Variants in DENND2B observed in about 807,000 individuals in gnomAD.
DENND2B encodes the protein DENN domain containing 2B.
A neutral mutation model predicts 116.0 loss-of-function variants in DENND2B; 32 were observed. The ratio of observed to expected loss-of-function variants is 0.28; its 90% confidence interval spans 0.21 to 0.37. DENND2B has a LOEUF of 0.37. DENND2B is among the 10% of genes least tolerant of loss of function. The pLI, the probability that DENND2B is intolerant of heterozygous loss-of-function variation, is 1.00. For synonymous variants in DENND2B, 588 were observed against 583.9 expected, an observed-to-expected ratio of 1.01 and a Z score of -0.10; for missense variants, 1,276 against 1,477.7, an observed-to-expected ratio of 0.86 and a Z score of 2.24.
chr11:8,840,651 C>T (rs756233284), intron 3 of DENND2B, among the ~76,000 whole-genome samples: 71 of 152,150 alleles, frequency 4.7e-4, no homozygotes, highest in Non-Finnish European at 7.6e-4. Flanking sequence ...AAAGTTTTTA[C>T]CATCCACAGC....
intron 4 of DENND2B, among the ~76,000 whole-genome samples, chr11:8,827,104 A>G (rs2062008234): frequency 6.6e-6 from 1 of 152,242 alleles, no homozygotes; most frequent in Non-Finnish European, 1.5e-5. Flanking sequence ...AACATACTTG[A>G]GCACCACTTA....
At position 8,730,905 on chromosome 11, in the gene DENND2B, C is replaced by A; in HGVS notation, c.385G>T (p.Ala129Ser). The part of the protein sequence containing the change: ...QGAAQDVAGV[A>S]ACLPLAQSTP... ...CTCTGGGCAAGGGGGAGGCAGGCAG[C>A]GACCCCTGCTACATCCTGGGCTGCG... The change falls in exon 3 of 20, where the codon GCT becomes TCT. Residue 129 changes from alanine (A) to serine (S), a missense_variant. Transcript: ENST00000313726. The surrounding 1 kb of genome is among the most constrained non-coding windows in gnomAD (Gnocchi z 4.1). 2.5e-6 allele frequency: 4 copies of A among 1,614,074 alleles called. No homozygotes were observed. The highest frequency in any genetic ancestry group is 3.4e-6 in the Non-Finnish European group (4 of 1,180,052).
Position 8,707,933 on chromosome 11 carries a change from G to T in DENND2B, c.2353-79C>A. ...TACCATTTCTGGCTCCTTTTCCTTG[G>T]GAACGGAGGAGTAAGGACTGCCCTT... On this transcript the variant is annotated intron_variant, in intron 11 of 19. Coordinates refer to ENST00000313726, the MANE Select transcript of DENND2B (RefSeq NM_213618.2). The surrounding 1 kb of genome is among the most constrained non-coding windows in gnomAD (Gnocchi z 4.8). The T allele has an allele frequency of 3.2e-6, 5 of 1,549,728 alleles. No individual in the cohort carries two copies. Among genetic ancestry groups the T allele is most frequent in the Non-Finnish European group, 4.4e-6 (5 of 1,149,320 alleles).
intron 7 of DENND2B, 72 bp downstream of exon 7, chr11:8,714,538 A>T (rs2133818739): frequency 6.9e-6 from 9 of 1,311,928 alleles, no homozygotes; most frequent in East Asian, 4.6e-5. Flanking sequence ...TCCACAGGTA[A>T]ATTGATGCCT....
intron 4 of DENND2B, chr11:8,718,279 A>G: frequency 7.9e-7 from 1 of 1,261,030 alleles, no homozygotes; most frequent in Non-Finnish European, 1.1e-6. Flanking sequence ...CAGAGATAAC[A>G]CAGTTCAAGG....
chr11:8,876,649 G>C (rs2063844026), intron 2 of DENND2B, among the ~76,000 whole-genome samples: 1 of 152,002 alleles, frequency 6.6e-6, no homozygotes, highest in African/African-American at 2.4e-5. Flanking sequence ...GGCCAAGGTG[G>C]GCCTATCACC....
chr11:8,821,882 C>T (rs2061781338), intron 4 of DENND2B, among the ~76,000 whole-genome samples: 1 of 152,156 alleles, frequency 6.6e-6, no homozygotes, highest in Non-Finnish European at 1.5e-5. Context: ...ACCTCTGCCT[C>T]CCAGGCTCAA....
At chr11:8,725,269 C>T (rs1397907211) in intron 4 of DENND2B, among the ~76,000 whole-genome samples, 1 of 152,202 alleles carries the variant, frequency 6.6e-6, no homozygotes, top group African/African-American at 2.4e-5. Flanking sequence ...CCGCCCCTTC[C>T]ACCATGTAAG....
chr11:8,806,636 A>ACACACACACACACACACACC (rs1426363936), intron 1 of DENND2B, among the ~76,000 whole-genome samples: 5 of 151,592 alleles, frequency 3.3e-5, no homozygotes, highest in Non-Finnish European at 5.9e-5. Flanking sequence ...ACACACACAC[A>ACACACACACACACACACACC]CACCCAGGAG....
At chr11:8,759,931 A>C (rs999722883) in intron 1 of DENND2B, among the ~76,000 whole-genome samples, 13 of 152,142 alleles carry the variant, frequency 8.5e-5, no homozygotes, top group Non-Finnish European at 1.2e-4. Context: ...AATCAGGATG[A>C]TCCTTCTCCG....
At chr11:8,776,811 G>C (rs2057788563) in intron 1 of DENND2B, 4 of 156,020 alleles carry the variant, frequency 2.6e-5, no homozygotes, top group African/African-American at 9.6e-5. Flanking sequence ...CCTCTCCTTA[G>C]TGCCAGGCAA....
intron 1 of DENND2B, among the ~76,000 whole-genome samples, chr11:8,782,514 T>A (rs1441160155): frequency 6.6e-6 from 1 of 152,214 alleles, no homozygotes; most frequent in African/African-American, 2.4e-5. Context: ...CAGTGTTACA[T>A]TTATGAAATT....
intron 1 of DENND2B, among the ~76,000 whole-genome samples, chr11:8,784,845 A>G (rs1179528211): frequency 1.3e-5 from 2 of 152,014 alleles, no homozygotes; most frequent in Non-Finnish European, 1.5e-5. Flanking sequence ...CTCAAAAAAA[A>G]AAAAAGAAAA....
intron 3 of DENND2B, among the ~76,000 whole-genome samples, chr11:8,841,021 T>C (rs915306402): frequency 6.6e-6 from 1 of 152,218 alleles, no homozygotes; most frequent in African/African-American, 2.4e-5. Context: ...CAAACTTCTC[T>C]TAATGTTGCA....
At chr11:8,736,778 A>G (rs768756226) in intron 2 of DENND2B, among the ~76,000 whole-genome samples, 19 of 152,172 alleles carry the variant, frequency 1.2e-4, no homozygotes, top group Non-Finnish European at 2.8e-4. Flanking sequence ...TGGGCTGGAG[A>G]TGAGCCTGAG....
rs199849250 is a variant in DENND2B, at chr11:8,693,999, G to A, written c.*97C>T. ...GGCTTGGAGGATAGGATCTGTGGGG[G>A]CAGAGGAGCCACAGCAGCCCAGAGG... On this transcript the variant is annotated 3_prime_UTR_variant, in exon 20 of 20. Transcript: ENST00000313726. 2.2e-6 allele frequency: 3 copies of A among 1,339,186 alleles called. No individual in the cohort carries two copies. The highest frequency in any genetic ancestry group is 3.2e-6 in the Non-Finnish European group (3 of 947,880). 83.0% of individuals were successfully genotyped at this position (1,339,186 alleles called of 1,614,324 possible).
In DENND2B at chr11:8,720,263, C is replaced by G. The variant is rs370221030; in HGVS notation, c.1478-2371G>C. Among the ~76,000 whole-genome samples, 79 of 152,224 alleles carry G rather than the reference C, an allele frequency of 5.2e-4. 1 individual carries two copies. The South Asian group carries it at 6.2e-3, about 12-fold the overall frequency. The stretch of plus-strand genomic sequence containing the variant: ...CCCTCTTTTTTTTCCATCCTTCCCT[C>G]CTTCACCTCACTCCCTCCTTCCTTC... On this transcript the variant is annotated intron_variant, in intron 4 of 19. Coordinates refer to ENST00000313726, the MANE Select transcript of DENND2B (RefSeq NM_213618.2).
chr11:8,802,500 A>G (rs1487683379), intron 1 of DENND2B, among the ~76,000 whole-genome samples: 1 of 152,204 alleles, frequency 6.6e-6, no homozygotes, highest in Non-Finnish European at 1.5e-5. Flanking sequence ...GGCACGGACA[A>G]GTAACTTGTC....
chr11:8,734,219 C>T (rs540657128), intron 2 of DENND2B, among the ~76,000 whole-genome samples: 18 of 152,322 alleles, frequency 1.2e-4, no homozygotes, highest in Middle Eastern at 3.4e-3. Flanking sequence ...ACACTCTGAA[C>T]ATCCAGTTTC....
Sources: allele counts gnomAD v4.1 joint callset (sites outside exome capture counted in the v4.1 genomes callset), GRCh38; gene constraint gnomAD v4.1.1; non-coding constraint Gnocchi (gnomAD v3.1); transcripts MANE v1.5; gene names NCBI Gene and HGNC (gene_info 2026-07-23, HGNC 2026-07-21).